Variants in IQSEC3 observed in about 807,000 individuals in gnomAD.
IQSEC3 encodes the protein IQ motif and SEC7 domain-containing protein 3.
In IQSEC3, 50 loss-of-function variants were observed where a neutral mutation model predicts 105.4. The observed-to-expected ratio is 0.47, with a 90% CI of 0.38 to 0.60. The LOEUF is 0.60. Ranked by LOEUF, IQSEC3 falls within the 20% of genes least tolerant of loss-of-function variation. The pLI is 0.00. For synonymous variants in IQSEC3, 708 were observed against 746.0 expected (o/e 0.95, Z 0.83); for missense variants, 1,415 against 1,630.0 (o/e 0.87, Z 2.27).
chr12:107,453 A>G (rs754799296), intron 2 of IQSEC3, among the ~76,000 whole-genome samples: 3 of 119,328 alleles, frequency 2.5e-5, no homozygotes, highest in Non-Finnish European at 4.7e-5. Flanking sequence ...TCTGTGGCTC[A>G]GGCTGGGGTG....
At chr12:162,121 A>G in intron 8 of IQSEC3, 56 bp downstream of exon 8, 1 of 1,584,910 alleles carries the variant, frequency 6.3e-7, no homozygotes, top group Non-Finnish European at 8.6e-7. Context: ...TCTTCCTGGC[A>G]TCTCTTCCCA....
chr12:168,412 C>T (rs1469017643), intron 11 of IQSEC3, among the ~76,000 whole-genome samples: 2 of 152,104 alleles, frequency 1.3e-5, no homozygotes, highest in Non-Finnish European at 2.9e-5. Flanking sequence ...AGGCAGGCTC[C>T]GTCCTCCCAG....
chr12:145,842 G>A (rs185340291), intron 5 of IQSEC3, among the ~76,000 whole-genome samples: 2 of 152,244 alleles, frequency 1.3e-5, no homozygotes, highest in Non-Finnish European at 2.9e-5. Flanking sequence ...CATGCTGGCT[G>A]TGAGCGGCCT....
chr12:133,595 G>C (rs1256647674), intron 3 of IQSEC3, among the ~76,000 whole-genome samples: 2 of 152,252 alleles, frequency 1.3e-5, no homozygotes, highest in African/African-American at 4.8e-5. Flanking sequence ...GGCAGGGTTG[G>C]GTCAGCATCT....
chr12:165,171 G>A (rs1216032268), intron 9 of IQSEC3: 6 of 524,636 alleles, frequency 1.1e-5, no homozygotes, highest in Middle Eastern at 5.2e-4. Flanking sequence ...GTAAGGCAAG[G>A]ACCACATCAG....
At chr12:144,968 A>C (rs1410117769) in intron 5 of IQSEC3, among the ~76,000 whole-genome samples, 1 of 152,214 alleles carries the variant, frequency 6.6e-6, no homozygotes, top group Non-Finnish European at 1.5e-5. Flanking sequence ...AAGAGCTGAA[A>C]CCACTGGCAT....
At chr12:72,251 G>A (rs1241646333) in intron 1 of IQSEC3, among the ~76,000 whole-genome samples, 9 of 151,942 alleles carry the variant, frequency 5.9e-5, no homozygotes, top group Admixed American at 2.6e-4. Flanking sequence ...TCTCTGCGCA[G>A]CCCGAGTTTC....
Position 161,934 on chromosome 12 carries a change from G to A in IQSEC3, c.2452G>A (p.Asp818Asn), listed in dbSNP as rs1462809067. The A allele has an allele frequency of 6.6e-6, 10 of 1,525,466 alleles. No individual in the cohort carries two copies. Among genetic ancestry groups the A allele is most frequent in the South Asian group, 4.5e-5 (4 of 89,264 alleles). 94.5% of individuals were successfully genotyped at this position (1,525,466 alleles called of 1,614,324 possible). Residue 818 changes from aspartate (D) to asparagine (N), a missense_variant, in exon 8 of 14, where the codon GAT becomes AAT. By Grantham distance (23) the Asp-to-Asn change is conservative. This residue lies in a region of IQSEC3 where 213 missense variants were observed against 306.2 expected (regional missense o/e 0.70). Transcript: ENST00000538872. ...CCACTCCACGTTGTTAGGTGTGGAC[G>A]ATGGCGCTGACATCCCCAGGGAGCT... ...DFIRNLRGVD[D>N]GADIPRELVV...
Position 176,294 on chromosome 12 carries a change from G to C in IQSEC3, c.*1261G>C, listed in dbSNP as rs1000720967. ...GCCCCACGAGCCCAAGCCTGGGGAA[G>C]GGCCCCTCCCCAGCCAGACGAGAGG... is the stretch of plus-strand genomic sequence containing the variant. On this transcript the variant is annotated 3_prime_UTR_variant, in exon 14 of 14. Transcript: ENST00000538872. The surrounding 1 kb of genome is among the most constrained non-coding windows in gnomAD (Gnocchi z 4.0). The C allele has an allele frequency of 6.6e-6, 1 of 152,378 alleles. No individual in the cohort carries two copies. Among genetic ancestry groups the C allele is most frequent in the Non-Finnish European group, 1.5e-5 (1 of 68,154 alleles). 9.4% of individuals were successfully genotyped at this position (152,378 alleles called of 1,614,324 possible).
rs142880472 is a variant in IQSEC3, at chr12:87,761, G to A, written c.555-11385G>A. On this transcript the variant is annotated intron_variant, in intron 1 of 13. Transcript: ENST00000538872. ...TGGGGGAGGAAAGGGGGTAAAGAGC[G>A]ATAGGGCTTGGAGGGAAGGCAAACA... Among the ~76,000 whole-genome samples the A allele has an allele frequency of 6.4e-4, 98 of 152,294 alleles. 1 individual carries two copies. Among genetic ancestry groups the A allele is most frequent in the South Asian group, 1.2e-3 (6 of 4,824 alleles).
In IQSEC3 at chr12:98,547, C is replaced by T. The variant is rs769933470; in HGVS notation, c.555-599C>T. Among the ~76,000 whole-genome samples the T allele has an allele frequency of 4.6e-5, 7 of 152,164 alleles. No individual in the cohort carries two copies. The East Asian group carries it at 5.8e-4, about 13-fold the overall frequency. On this transcript the variant is annotated intron_variant, in intron 1 of 13. Coordinates refer to ENST00000538872, the MANE Select transcript of IQSEC3 (RefSeq NM_001170738.2). ...GGTTAGCCTCGTATGACACAGCTGG[C>T]GAACTGTAGAGCTGGGACTAGAACC...
intron 1 of IQSEC3, among the ~76,000 whole-genome samples, chr12:70,608 G>A (rs1195009503): frequency 1.3e-5 from 2 of 152,240 alleles, no homozygotes; most frequent in African/African-American, 4.8e-5. Context: ...CCCTTTCCTG[G>A]CTGGTGCCAG....
chr12:88,802 C>G (rs1208911418), intron 1 of IQSEC3, among the ~76,000 whole-genome samples: 7 of 152,116 alleles, frequency 4.6e-5, no homozygotes, highest in Non-Finnish European at 1.0e-4. Context: ...AAAATAGGGA[C>G]CAGAAAGAAG....
chr12:168,191 G>A (rs1485202691), intron 11 of IQSEC3, among the ~76,000 whole-genome samples: 1 of 152,232 alleles, frequency 6.6e-6, no homozygotes, highest in East Asian at 1.9e-4. Flanking sequence ...AATCTCCAAG[G>A]ATGGCAGCCG....
chr12:164,442 C>T (rs1232533532), intron 9 of IQSEC3, among the ~76,000 whole-genome samples: 2 of 152,160 alleles, frequency 1.3e-5, no homozygotes, highest in Non-Finnish European at 2.9e-5. Flanking sequence ...CTCCTCAGCC[C>T]TGGGAGGCGC....
intron 5 of IQSEC3, among the ~76,000 whole-genome samples, chr12:146,514 C>T (rs868996048): frequency 3.9e-5 from 6 of 152,000 alleles, no homozygotes; most frequent in African/African-American, 1.4e-4. Flanking sequence ...GGTGTGGTGG[C>T]GGGCACCTGT....
At chr12:174,568 T>C (rs540984577) in intron 13 of IQSEC3, 31 bp from the exon 14 acceptor site, 1 of 1,507,396 alleles carries the variant, frequency 6.6e-7, no homozygotes, top group East Asian at 2.3e-5. Flanking sequence ...TCTTGTAACA[T>C]TTCATGCTTC....
At chr12:84,821 G>C (rs1180520046) in intron 1 of IQSEC3, among the ~76,000 whole-genome samples, 1 of 152,172 alleles carries the variant, frequency 6.6e-6, no homozygotes, top group Non-Finnish European at 1.5e-5. Context: ...GGTAGGTTTT[G>C]ATGTTTCTGT....
At chr12:94,886 G>A (rs561577709) in intron 1 of IQSEC3, among the ~76,000 whole-genome samples, 4 of 152,230 alleles carry the variant, frequency 2.6e-5, no homozygotes, top group Non-Finnish European at 4.4e-5. Flanking sequence ...GCTTCTTTGC[G>A]TATGCTCTTG....
Sources: allele counts gnomAD v4.1 joint callset (sites outside exome capture counted in the v4.1 genomes callset), GRCh38; gene constraint gnomAD v4.1.1; regional missense constraint gnomAD v4.1.1; non-coding constraint Gnocchi (gnomAD v3.1); transcripts MANE v1.5; gene names NCBI Gene and HGNC (gene_info 2026-07-23, HGNC 2026-07-21).